The following ARHGAP18 variants were observed in gnomAD, a reference collection of about 807,000 sequenced individuals.
The protein encoded by ARHGAP18 is rho GTPase-activating protein 18.
ARHGAP18 carries 67 observed loss-of-function variants against 86.2 expected under a neutral mutation model. That is an observed-to-expected ratio of 0.78 (90% CI 0.64 to 0.95). ARHGAP18 has a LOEUF of 0.95. Ranked by LOEUF, ARHGAP18 falls within the 40% of genes least tolerant of loss-of-function variation. The pLI is 0.00. For synonymous variants in ARHGAP18, 283 were observed against 280.4 expected (o/e 1.01, Z -0.09); for missense variants, 691 against 780.4 (o/e 0.89, Z 1.37).
intron 12 of ARHGAP18, among the ~76,000 whole-genome samples, chr6:129,585,445 T>A (rs1488750740): frequency 3.9e-5 from 6 of 152,212 alleles, no homozygotes; most frequent in Non-Finnish European, 8.8e-5. Flanking sequence ...ATATTGCTTC[T>A]CAGTAATATC....
intron 3 of ARHGAP18, 37 bp from the exon 4 acceptor site, chr6:129,634,142 C>T (rs748447525): frequency 6.3e-7 from 1 of 1,579,866 alleles, no homozygotes; most frequent in African/African-American, 1.4e-5. Flanking sequence ...TCATCTCCAA[C>T]TCAAAACCAG....
At chr6:129,689,811 T>C (rs1774492755) in intron 1 of ARHGAP18, among the ~76,000 whole-genome samples, 1 of 152,248 alleles carries the variant, frequency 6.6e-6, no homozygotes, top group African/African-American at 2.4e-5. Context: ...GGCACGCATT[T>C]GCTTTTCACA....
chr6:129,665,734 T>C (rs1302342272), intron 1 of ARHGAP18, among the ~76,000 whole-genome samples: 1 of 152,194 alleles, frequency 6.6e-6, no homozygotes, highest in East Asian at 1.9e-4. Context: ...GCCTGGATCA[T>C]ATCCCAGCTT....
At chr6:129,632,829 T>C (rs536720379) in intron 4 of ARHGAP18, among the ~76,000 whole-genome samples, 2 of 152,260 alleles carry the variant, frequency 1.3e-5, no homozygotes, top group African/African-American at 4.8e-5. Context: ...AGATCCCATA[T>C]GATCTTGAGT....
At chr6:129,601,757 G>T (rs1048014568) in intron 10 of ARHGAP18, among the ~76,000 whole-genome samples, 4 of 151,626 alleles carry the variant, frequency 2.6e-5, no homozygotes, top group African/African-American at 9.7e-5. Flanking sequence ...CTCCAGAGTA[G>T]CTGGGACCAC....
At chr6:129,605,599 C>A (rs1019283417) in intron 10 of ARHGAP18, among the ~76,000 whole-genome samples, 2 of 151,466 alleles carry the variant, frequency 1.3e-5, no homozygotes, top group Middle Eastern at 3.2e-3. Flanking sequence ...AAACAAAAAA[C>A]CACCCACGTT....
intron 5 of ARHGAP18, among the ~76,000 whole-genome samples, chr6:129,627,376 C>G (rs535725489): frequency 3.4e-4 from 48 of 140,848 alleles, no homozygotes; most frequent in African/African-American, 1.2e-3. Flanking sequence ...ACAGCTGCTA[C>G]ATTGACAAAA....
chr6:129,631,788 C>A (rs1773224165), intron 4 of ARHGAP18, among the ~76,000 whole-genome samples: 1 of 150,424 alleles, frequency 6.6e-6, no homozygotes, highest in African/African-American at 2.4e-5. Flanking sequence ...TTTTTCTTTC[C>A]TCTGTAGAAA....
At chr6:129,701,036 A>C (rs1024972372) in intron 1 of ARHGAP18, among the ~76,000 whole-genome samples, 2 of 152,020 alleles carry the variant, frequency 1.3e-5, no homozygotes, top group African/African-American at 4.8e-5. Context: ...TCTCACCCTC[A>C]ATGAACTTAC....
chr6:129,692,808 G>C (rs1048214299), intron 1 of ARHGAP18, among the ~76,000 whole-genome samples: 2 of 152,154 alleles, frequency 1.3e-5, no homozygotes, highest in African/African-American at 4.8e-5. Flanking sequence ...TAAAAATGGA[G>C]AAGCTCCTCA....
At chr6:129,677,929 T>C (rs1774263869) in intron 1 of ARHGAP18, among the ~76,000 whole-genome samples, 1 of 152,180 alleles carries the variant, frequency 6.6e-6, no homozygotes. Context: ...ACCAAAGCTA[T>C]GAGTAATTTT....
intron 1 of ARHGAP18, among the ~76,000 whole-genome samples, chr6:129,672,582 C>T (rs1265419752): frequency 1.3e-5 from 2 of 152,186 alleles, no homozygotes; most frequent in Admixed American, 6.5e-5. Flanking sequence ...AAACACAGTA[C>T]GATTCTATTC....
intron 1 of ARHGAP18, among the ~76,000 whole-genome samples, chr6:129,692,671 G>A (rs559967747): frequency 5.3e-5 from 8 of 152,206 alleles, no homozygotes; most frequent in Non-Finnish European, 1.2e-4. Flanking sequence ...GACATTTATG[G>A]GAACATGTCA....
chr6:129,657,547 C>T (rs1310243779), intron 1 of ARHGAP18, among the ~76,000 whole-genome samples: 1 of 152,052 alleles, frequency 6.6e-6, no homozygotes, highest in Non-Finnish European at 1.5e-5. Context: ...AAGCATGAAT[C>T]CCAAATGACA....
chr6:129,617,301 CTT>C (rs932776624), intron 6 of ARHGAP18, among the ~76,000 whole-genome samples: 5 of 152,112 alleles, frequency 3.3e-5, no homozygotes, highest in African/African-American at 1.2e-4. Flanking sequence ...TAACTTTTTC[CTT>C]TATGACGTAC....
At chr6:129,668,687 G>A (rs115417406) in intron 1 of ARHGAP18, among the ~76,000 whole-genome samples, 4,935 of 152,050 alleles carry the variant, frequency 0.032, 250 homozygotes, top group African/African-American at 0.11. Flanking sequence ...TGCCTGTACC[G>A]TCCCCTTCTG....
intron 1 of ARHGAP18, among the ~76,000 whole-genome samples, chr6:129,681,013 G>A (rs1164504486): frequency 6.6e-6 from 1 of 152,180 alleles, no homozygotes; most frequent in Non-Finnish European, 1.5e-5. Context: ...TAGTTTCCTG[G>A]ACATGGAGAA....
intron 1 of ARHGAP18, among the ~76,000 whole-genome samples, chr6:129,697,381 C>T (rs1774636090): frequency 6.6e-6 from 1 of 152,038 alleles, no homozygotes. Flanking sequence ...CCACCACCTT[C>T]TCCTTCAGGA....
At chr6:129,673,708 C>CATCAGGTATCCG (rs1774179983) in intron 1 of ARHGAP18, among the ~76,000 whole-genome samples, 1 of 152,092 alleles carries the variant, frequency 6.6e-6, no homozygotes, top group African/African-American at 2.4e-5. Flanking sequence ...TCAGTTAACT[C>CATCAGGTATCCG]TTTTTAATGG....
Sources: allele counts gnomAD v4.1 joint callset (sites outside exome capture counted in the v4.1 genomes callset), GRCh38; gene constraint gnomAD v4.1.1; transcripts MANE v1.5; gene names NCBI Gene and HGNC (gene_info 2026-07-23, HGNC 2026-07-21).